Variants in ARSL observed in about 807,000 individuals in gnomAD.
ARSL encodes the protein arylsulfatase E (chondrodysplasia punctata 1).
A neutral mutation model predicts 31.1 loss-of-function variants in ARSL; 4 were observed. That is an observed-to-expected ratio of 0.13 (90% confidence interval 0.06 to 0.29). The LOEUF (loss-of-function observed/expected upper bound fraction) is 0.29. ARSL is among the 10% of genes least tolerant of loss of function. The pLI is 1.00. For missense variants in ARSL, 312 were observed against 497.8 expected, an observed-to-expected ratio of 0.63 and a Z score of 3.55; for synonymous variants, 198 against 209.9, an observed-to-expected ratio of 0.94 and a Z score of 0.49.
Position 2,943,423 on chromosome X carries a change from A to C in ARSL, c.992-224T>G, listed in dbSNP as rs149544047. On this transcript the variant is annotated intron_variant, in intron 7 of 10. Transcript: ENST00000381134. ...TGGTCAGAATTTTAGGCAACGTACAAGGACAAAATATCAAAAACTTAAAAG... is the reference window on the plus strand; with the variant it reads ...TGGTCAGAATTTTAGGCAACGTACACGGACAAAATATCAAAAACTTAAAAG... 0.049 allele frequency among the ~76,000 whole-genome samples: 5,382 copies of C among 110,795 alleles called. 278 individuals carry two copies. Among genetic ancestry groups the C allele is most frequent in the African/African-American group, 0.14 (4,270 of 30,420 alleles).
At chrX:2,941,707 T>C (rs1366127065) in intron 8 of ARSL, among the ~76,000 whole-genome samples, 2 of 112,063 alleles carry the variant, frequency 1.8e-5, no homozygotes, top group Admixed American at 1.9e-4. Flanking sequence ...ACCAAACCAA[T>C]GTGTCTCTTA....
chrX:2,967,255 A>G (rs1292817029), upstream of ARSL, among the ~76,000 whole-genome samples: 1 of 111,965 alleles, frequency 8.9e-6, no homozygotes, highest in African/African-American at 3.2e-5. Context: ...TTAGATATCA[A>G]GTCTGTGGCC....
intron 6 of ARSL, among the ~76,000 whole-genome samples, 157 bp from the exon 7 acceptor site, chrX:2,946,291 G>A (rs139951877): frequency 1.5e-3 from 154 of 104,976 alleles, no homozygotes; most frequent in African/African-American, 4.8e-3. Context: ...CTTCTTCAAC[G>A]GAAAATTAAT....
chrX:2,959,721 G>T (rs1452044492), intron 2 of ARSL: 2 of 1,143,562 alleles, frequency 1.7e-6, no homozygotes, highest in East Asian at 6.6e-5. Context: ...CCAGATGCAG[G>T]ATAAATCACT....
rs959242741 is a variant in ARSL, at chrX:2,950,143, G to A, written c.431-416C>T. On this transcript the variant is annotated intron_variant, in intron 5 of 10. Transcript: ENST00000381134. The stretch of plus-strand genomic sequence containing the variant: ...TCCAGGCCTCCCTGGGCTTGTGGCC[G>A]CATCACTCCAGTCTCCATCTCCATG... Among the ~76,000 whole-genome samples, 4 of 111,538 alleles carry A rather than the reference G, an allele frequency of 3.6e-5. No individual in the cohort carries two copies. In the East Asian group the frequency reaches 1.1e-3, roughly 32 times the overall value.
chrX:2,959,791 C>G, intron 2 of ARSL: 1 of 1,031,768 alleles, frequency 9.7e-7, no homozygotes, highest in Non-Finnish European at 1.3e-6. Flanking sequence ...CGTGGTGGCT[C>G]ATGCCCATTA....
chrX:2,936,708 C>T, intron 10 of ARSL, 34 bp downstream of exon 10: 1 of 1,209,060 alleles, frequency 8.3e-7, no homozygotes, highest in Non-Finnish European at 1.1e-6. Context: ...GGACTCTTTC[C>T]CTAAGGGTGT....
intron 1 of ARSL, among the ~76,000 whole-genome samples, chrX:2,963,533 CTTT>C (rs769134287): frequency 0.02 from 1,213 of 59,698 alleles, 24 homozygotes; most frequent in African/African-American, 0.088. Flanking sequence ...TTTTCTTTTC[CTTT>C]TTTTTTTTTT....
chrX:2,960,133 G>A (rs1416306692), intron 2 of ARSL, among the ~76,000 whole-genome samples: 2 of 90,491 alleles, frequency 2.2e-5, no homozygotes, highest in East Asian at 3.2e-4. Context: ...GCCGGGCGTG[G>A]TGGCAGGCGC....
intron 5 of ARSL, among the ~76,000 whole-genome samples, chrX:2,951,614 CAAAAAA>C (rs1164575386): frequency 1.7e-4 from 5 of 28,890 alleles, no homozygotes; most frequent in South Asian, 3.2e-3. Flanking sequence ...CCCATCTCTA[CAAAAAA>C]AAAAAAAAAA....
chrX:2,951,082 A>G (rs1262406312), intron 5 of ARSL, among the ~76,000 whole-genome samples: 2 of 111,885 alleles, frequency 1.8e-5, no homozygotes, highest in Non-Finnish European at 3.8e-5. Flanking sequence ...TCACATTTAC[A>G]AAGACTCTTT....
Position 2,934,939 on chromosome X carries a change from C to G in ARSL, c.1663G>C (p.Val555Leu), listed in dbSNP as rs2089175335. The change falls in exon 11 of 11, where the codon GTT becomes CTT. Residue 555 changes from valine to leucine, a missense_variant. Physicochemically the swap from Val to Leu is conservative, Grantham distance 32. Coordinates refer to ENST00000381134, the MANE Select transcript of ARSL (RefSeq NM_000047.3). Reference sequence around the variant, plus strand: ...CCCAGCCTGTCCAGCTGCAGAGGAACTGGGCTGAGTGTCCGCTGGTGTTCC... The same window carrying G: ...CCCAGCCTGTCCAGCTGCAGAGGAAGTGGGCTGAGTGTCCGCTGGTGTTCC... ...VWEHQRTLSP[V>L]PLQLDRLGNI... The G allele has an allele frequency of 1.8e-5, 22 of 1,208,338 alleles. No homozygotes were observed. The highest frequency in any genetic ancestry group is 2.2e-5 in the Non-Finnish European group (20 of 894,510).
intron 3 of ARSL, 36 bp downstream of exon 3, chrX:2,958,238 T>A: frequency 8.3e-7 from 1 of 1,207,618 alleles, no homozygotes; most frequent in Non-Finnish European, 1.1e-6. Flanking sequence ...GGTGTCTGCA[T>A]TGGGGGCACC....
chrX:2,959,218 C>T (rs948233087), intron 2 of ARSL, among the ~76,000 whole-genome samples: 1 of 111,553 alleles, frequency 9.0e-6, no homozygotes, highest in African/African-American at 3.3e-5. Flanking sequence ...CAGTGAGCTG[C>T]TACTTCTGAG....
chrX:2,968,192 G>A (rs1407648069), upstream of ARSL: 2 of 1,151,761 alleles, frequency 1.7e-6, no homozygotes, highest in Non-Finnish European at 2.3e-6. Context: ...GGATGTAGCG[G>A]GGAGGCTGCT....
Position 2,950,443 on chromosome X carries a change from C to T in ARSL, c.431-716G>A, listed in dbSNP as rs183291962. On this transcript the variant is annotated intron_variant, in intron 5 of 10. Coordinates refer to ENST00000381134, the MANE Select transcript of ARSL (RefSeq NM_000047.3). ...TAGTTTGGGCACTGATATGGTTTGG[C>T]TGTGTCCTCATGCAAATCTCACCTT... Among the ~76,000 whole-genome samples the T allele has an allele frequency of 4.4e-4, 49 of 111,604 alleles. No individual in the cohort carries two copies. The East Asian group carries it at 0.012, about 28-fold the overall frequency.
chrX:2,948,470 G>A (rs1431478806), intron 6 of ARSL, among the ~76,000 whole-genome samples: 2 of 111,275 alleles, frequency 1.8e-5, no homozygotes, highest in East Asian at 2.8e-4. Flanking sequence ...GAATAAGACT[G>A]ACCCCAGAGT....
At chrX:2,942,478 G>A (rs2089294825) in intron 8 of ARSL, among the ~76,000 whole-genome samples, 1 of 110,711 alleles carries the variant, frequency 9.0e-6, no homozygotes, top group South Asian at 3.9e-4. Flanking sequence ...TTTTAGTAGA[G>A]GCGAGGTTTC....
chrX:2,957,282 G>A (rs968180588), intron 3 of ARSL, among the ~76,000 whole-genome samples: 1 of 109,147 alleles, frequency 9.2e-6, no homozygotes, highest in Non-Finnish European at 1.9e-5. Flanking sequence ...TTCCCAGGCT[G>A]GTCTTGAACT....
Sources: allele counts gnomAD v4.1 joint callset (sites outside exome capture counted in the v4.1 genomes callset), GRCh38; gene constraint gnomAD v4.1.1; transcripts MANE v1.5; gene names NCBI Gene and HGNC (gene_info 2026-07-23, HGNC 2026-07-21).